CDK12: variants seen among roughly 807,000 people sequenced by gnomAD.
CDK12 encodes the protein cyclin-dependent kinase 12.
CDK12 carries 17 observed loss-of-function variants against 133.8 expected under a neutral mutation model. The ratio of observed to expected loss-of-function variants is 0.13; its 90% CI spans 0.09 to 0.19. CDK12 has a LOEUF of 0.19. Among genes scored for constraint, CDK12 ranks in the 10% least tolerant of loss-of-function variants. The pLI, the probability that CDK12 is intolerant of heterozygous loss-of-function variation, is 1.00. For missense variants in CDK12, 1,508 were observed against 1,818.7 expected, an observed-to-expected ratio of 0.83 and a Z score of 3.11; for synonymous variants, 694 against 683.6, an observed-to-expected ratio of 1.02 and a Z score of -0.24.
At chr17:39,559,241 G>A (rs1393553034) in intron 3 of CDK12, among the ~76,000 whole-genome samples, 4 of 152,116 alleles carry the variant, frequency 2.6e-5, no homozygotes, top group South Asian at 2.1e-4. Context: ...CACTTTCACC[G>A]AATGGTGACA....
intron 1 of CDK12, among the ~76,000 whole-genome samples, chr17:39,465,440 T>C (rs1037333743): frequency 2.6e-5 from 4 of 151,594 alleles, no homozygotes; most frequent in African/African-American, 9.7e-5. Context: ...AAAATTTATA[T>C]ACAGTAAAAT....
At chr17:39,495,952 C>A (rs1047748781) in intron 5 of CDK12, among the ~76,000 whole-genome samples, 1 of 151,932 alleles carries the variant, frequency 6.6e-6, no homozygotes, top group African/African-American at 2.4e-5. Context: ...TACTCTCTCA[C>A]CCAGGCTGGA....
downstream of CDK12, among the ~76,000 whole-genome samples, chr17:39,538,904 A>ATACATAC (rs1555582809): frequency 8.3e-5 from 12 of 145,002 alleles, no homozygotes; most frequent in African/African-American, 1.3e-4. Context: ...ATCTCAAATA[A>ATACATAC]ATACATACAT....
At chr17:39,558,724 A>T (rs1230963781) in intron 3 of CDK12, among the ~76,000 whole-genome samples, 1 of 152,102 alleles carries the variant, frequency 6.6e-6, no homozygotes, top group Non-Finnish European at 1.5e-5. Context: ...GCTCACTGCA[A>T]CCTCTGCCTC....
At chr17:39,466,307 CA>C (rs370044004) in intron 1 of CDK12, among the ~76,000 whole-genome samples, 1,399 of 94,444 alleles carry the variant, frequency 0.015, 15 homozygotes, top group African/African-American at 0.041. Context: ...GACTGCGTCT[CA>C]AAAAAAAAAA....
chr17:39,540,935 G>A (rs917561519), intron 1 of CDK12, among the ~76,000 whole-genome samples: 1 of 152,210 alleles, frequency 6.6e-6, no homozygotes, highest in Non-Finnish European at 1.5e-5. Context: ...CAGCTGAGAG[G>A]AAGGACAAAA....
intron 11 of CDK12, among the ~76,000 whole-genome samples, chr17:39,522,421 C>T (rs1401549783): frequency 6.6e-6 from 1 of 150,698 alleles, no homozygotes; most frequent in Non-Finnish European, 1.5e-5. Flanking sequence ...GCATCACTGC[C>T]AGTTTTTTTT....
upstream of CDK12, among the ~76,000 whole-genome samples, chr17:39,545,288 G>A (rs1341408719): frequency 1.3e-5 from 2 of 151,700 alleles, no homozygotes; most frequent in Non-Finnish European, 2.9e-5. Flanking sequence ...GCAGCCTCAG[G>A]TGATTTCTCC....
At chr17:39,520,151 C>T in intron 11 of CDK12, 64 bp downstream of exon 11, 1 of 1,565,506 alleles carries the variant, frequency 6.4e-7, no homozygotes, top group Non-Finnish European at 8.7e-7. Context: ...ATGAGAAACT[C>T]ATAAAAGAAC....
At chr17:39,527,045 G>C (rs2054537480) in intron 13 of CDK12, among the ~76,000 whole-genome samples, 1 of 152,166 alleles carries the variant, frequency 6.6e-6, no homozygotes, top group African/African-American at 2.4e-5. Context: ...CTTTAATTCT[G>C]ATTCACACTG....
At chr17:39,494,139 C>T (rs1382762027) in intron 4 of CDK12, among the ~76,000 whole-genome samples, 2 of 152,044 alleles carry the variant, frequency 1.3e-5, no homozygotes, top group South Asian at 2.1e-4. Context: ...CTCACTGCAA[C>T]CTCTGCTCAC....
intron 1 of CDK12, among the ~76,000 whole-genome samples, chr17:39,466,782 C>T (rs1037939732): frequency 2.0e-5 from 3 of 151,662 alleles, no homozygotes; most frequent in African/African-American, 7.3e-5. Flanking sequence ...GACACATGCA[C>T]GCTTTTAGTT....
chr17:39,500,879 A>G (rs1000826151), intron 5 of CDK12, among the ~76,000 whole-genome samples: 3 of 151,528 alleles, frequency 2.0e-5, no homozygotes, highest in African/African-American at 7.3e-5. Context: ...GGCACGTGCC[A>G]CCATGCCCAG....
At chr17:39,507,294 G>C (rs928977357) in intron 6 of CDK12, among the ~76,000 whole-genome samples, 10 of 151,746 alleles carry the variant, frequency 6.6e-5, no homozygotes, top group Non-Finnish European at 1.5e-4. Flanking sequence ...GTCAGTAAAA[G>C]TGCTATCAGC....
chr17:39,560,950 G>T (rs1023015558), intron 3 of CDK12, among the ~76,000 whole-genome samples: 29 of 152,172 alleles, frequency 1.9e-4, no homozygotes, highest in African/African-American at 7.0e-4. Context: ...GGGGGTGGAG[G>T]CTGCAGTGAG....
In CDK12 at chr17:39,519,569, G is replaced by A. The variant is rs1431847059; in HGVS notation, c.2964-387G>A. Reference sequence around the variant, plus strand: ...GTGCTGTGTGGGACTGTAGGCATGAGCCACCATTGCACATCCTTTTTTTTT... The same window carrying A: ...GTGCTGTGTGGGACTGTAGGCATGAACCACCATTGCACATCCTTTTTTTTT... On this transcript the variant is annotated intron_variant, in intron 10 of 13. Transcript: ENST00000447079. 2.7e-5 allele frequency among the ~76,000 whole-genome samples: 4 copies of A among 150,820 alleles called. No individual in the cohort carries two copies. The East Asian group carries it at 5.9e-4, about 22-fold the overall frequency.
At chr17:39,537,563 T>TTATA (rs2055193847), downstream of CDK12, among the ~76,000 whole-genome samples, 2 of 147,988 alleles carry the variant, frequency 1.4e-5, no homozygotes, top group African/African-American at 5.2e-5. Context: ...ATTTATTTAT[T>TTATA]TATTTATTTA....
In CDK12 at chr17:39,481,646, C is replaced by A. The variant is rs2050681682; in HGVS notation, c.1932-8911C>A. Among the ~76,000 whole-genome samples the A allele has an allele frequency of 2.8e-4, 3 of 10,634 alleles. 1 individual carries two copies. The highest frequency in any genetic ancestry group is 1.9e-3 in the Admixed American group (2 of 1,076). 7.0% of individuals were successfully genotyped at this position (10,634 alleles called of 152,430 possible). ...GCTCGCTCGCGCGCTCTCTCTCTCTCTCTCTCTCTCTCTCTCTCTCTCTCT... is the reference window on the plus strand; with the variant it reads ...GCTCGCTCGCGCGCTCTCTCTCTCTATCTCTCTCTCTCTCTCTCTCTCTCT... On this transcript the variant is annotated intron_variant, in intron 2 of 13. Transcript: ENST00000447079.
intron 9 of CDK12, among the ~76,000 whole-genome samples, chr17:39,516,965 T>C (rs1216316909): frequency 2.0e-5 from 3 of 152,112 alleles, no homozygotes; most frequent in Non-Finnish European, 2.9e-5. Flanking sequence ...GCCCGGCCAA[T>C]GTAGACATTT....
Sources: gnomAD v4.1 joint callset for allele counts (sites outside exome capture counted in the v4.1 genomes callset) on GRCh38, gnomAD v4.1.1 for gene constraint, MANE v1.5 for transcripts, NCBI Gene and HGNC (gene_info 2026-07-23, HGNC 2026-07-21) for gene names.